The following PPP1R16B variants were observed in gnomAD, a reference collection of about 807,000 sequenced individuals.
PPP1R16B encodes protein phosphatase 1 regulatory inhibitor subunit 16B.
PPP1R16B carries 14 observed loss-of-function variants against 61.7 expected under a neutral mutation model. The observed-to-expected ratio is 0.23, with a 90% confidence interval of 0.15 to 0.35. The LOEUF (loss-of-function observed/expected upper bound fraction) is 0.35, where lower values mean the gene tolerates loss of function less well. Ranked by LOEUF, PPP1R16B falls within the 10% of genes least tolerant of loss-of-function variation. The pLI is 1.00. For synonymous variants in PPP1R16B, 266 were observed against 305.3 expected, an observed-to-expected ratio of 0.87 and a Z score of 1.34; for missense variants, 547 against 752.5, an observed-to-expected ratio of 0.73 and a Z score of 3.19.
At chr20:38,833,322 C>A (rs1235164606) in intron 1 of PPP1R16B, among the ~76,000 whole-genome samples, 1 of 152,080 alleles carries the variant, frequency 6.6e-6, no homozygotes, top group African/African-American at 2.4e-5. Context: ...GGAGGGGGAG[C>A]CTAGAGAAGG....
At chr20:38,903,352 G>A (rs768225504) in intron 6 of PPP1R16B, among the ~76,000 whole-genome samples, 1 of 151,952 alleles carries the variant, frequency 6.6e-6, no homozygotes, top group Non-Finnish European at 1.5e-5. Context: ...CCACTCACTC[G>A]TGCTTTCTTG....
chr20:38,872,769 T>C (rs6071615), intron 2 of PPP1R16B: 7,729 of 152,816 alleles, frequency 0.051, 202 homozygotes, highest in Middle Eastern at 0.065. Flanking sequence ...ACTGTGGGTG[T>C]GCGGCACGGT....
chr20:38,906,133 A>T (rs966548653), intron 7 of PPP1R16B, 39 bp downstream of exon 7: 12 of 1,587,492 alleles, frequency 7.6e-6, no homozygotes, highest in East Asian at 2.2e-5. Flanking sequence ...AGGCCGGCAC[A>T]GGGCTAACCT....
intron 2 of PPP1R16B, among the ~76,000 whole-genome samples, chr20:38,837,209 G>A (rs1453025323): frequency 6.6e-6 from 1 of 152,182 alleles, no homozygotes; most frequent in Non-Finnish European, 1.5e-5. Flanking sequence ...AAGTAGACAA[G>A]TCTCTTCCAC....
intron 1 of PPP1R16B, among the ~76,000 whole-genome samples, chr20:38,823,726 G>A (rs1377327445): frequency 6.6e-6 from 1 of 152,142 alleles, no homozygotes; most frequent in Non-Finnish European, 1.5e-5. Context: ...GCCTATAGGG[G>A]TTTGGAAAGC....
chr20:38,864,098 G>A (rs1349476680), intron 2 of PPP1R16B, among the ~76,000 whole-genome samples: 4 of 152,202 alleles, frequency 2.6e-5, no homozygotes, highest in African/African-American at 4.8e-5. Context: ...AAAAGGCCAC[G>A]TGTTCTAGAA....
In PPP1R16B at chr20:38,899,239, A is replaced by G. The variant is rs117719190; in HGVS notation, c.468-1342A>G. ...GAGGGCTGTTAGGCCAAAGGACTGG[A>G]TGGTGGCCTGTGCCTATGTCTCTGA... On this transcript the variant is annotated intron_variant, in intron 4 of 10. Transcript: ENST00000299824. Among the ~76,000 whole-genome samples the G allele has an allele frequency of 3.9e-3, 589 of 152,338 alleles. 1 individual carries two copies. Among genetic ancestry groups the G allele is most frequent in the Non-Finnish European group, 4.7e-3 (323 of 68,028 alleles).
At chr20:38,842,768 A>C (rs529170617) in intron 2 of PPP1R16B, among the ~76,000 whole-genome samples, 47 of 151,880 alleles carry the variant, frequency 3.1e-4, no homozygotes, top group Non-Finnish European at 4.0e-4. Context: ...CATCTACAGG[A>C]ACTAGCTCAG....
Position 38,919,026 on chromosome 20 carries a change from A to C in PPP1R16B, c.*360A>C. 1 of 186,454 alleles carries C rather than the reference A, an allele frequency of 5.4e-6. No individual in the cohort carries two copies. Among genetic ancestry groups the C allele is most frequent in the Non-Finnish European group, 1.1e-5 (1 of 90,394 alleles). The allele number at this position is 186,454 out of a possible 1,614,324, so 11.5% of individuals were successfully genotyped here. A position where few individuals can be genotyped will look rare whatever the true frequency, so the allele number is the denominator to read the frequency against. ...AACACACACACACACACACATATAC[A>C]CACACACACAAGCTCGATCAGTGTG... On this transcript the variant is annotated 3_prime_UTR_variant, in exon 11 of 11. Coordinates refer to ENST00000299824, the MANE Select transcript of PPP1R16B (RefSeq NM_015568.4).
chr20:38,861,674 T>C (rs944052144), intron 2 of PPP1R16B, among the ~76,000 whole-genome samples: 5 of 119,158 alleles, frequency 4.2e-5, no homozygotes, highest in Non-Finnish European at 8.0e-5. Flanking sequence ...GCAGTTCTTC[T>C]TTTTTTTTTT....
chr20:38,826,262 C>T (rs972483626), intron 1 of PPP1R16B, among the ~76,000 whole-genome samples: 1 of 152,158 alleles, frequency 6.6e-6, no homozygotes. Flanking sequence ...TGTAATTTGA[C>T]TCCCGTTTCC....
chr20:38,888,876 A>AACACACACAC lies in PPP1R16B; in HGVS notation c.251-676_251-667dup, dbSNP rs1181903301. On this transcript the variant is annotated intron_variant, in intron 2 of 10. Coordinates refer to ENST00000299824, the MANE Select transcript of PPP1R16B (RefSeq NM_015568.4). ...CCTCCCTGCCCACCCAGAATCCCTG[A>AACACACACAC]ACACACACACACACACACACACACA... Among the ~76,000 whole-genome samples, 1,022 of 112,264 alleles carry AACACACACAC rather than the reference A, an allele frequency of 9.1e-3. 10 individuals carry two copies. Among genetic ancestry groups the AACACACACAC allele is most frequent in the East Asian group, 0.025 (90 of 3,618 alleles). 73.6% of individuals were successfully genotyped at this position (112,264 alleles called of 152,430 possible).
chr20:38,870,747 C>A (rs896546050), intron 2 of PPP1R16B, among the ~76,000 whole-genome samples: 2 of 152,160 alleles, frequency 1.3e-5, no homozygotes, highest in Non-Finnish European at 2.9e-5. Context: ...ACATGAAGGG[C>A]CAGACTCTGG....
chr20:38,831,424 G>A (rs758212475), intron 1 of PPP1R16B, among the ~76,000 whole-genome samples: 2 of 152,236 alleles, frequency 1.3e-5, no homozygotes, highest in African/African-American at 2.4e-5. Context: ...TGTGTGTTGG[G>A]GAGACTCACA....
chr20:38,884,876 C>T (rs1016714276), intron 2 of PPP1R16B, among the ~76,000 whole-genome samples: 3 of 151,758 alleles, frequency 2.0e-5, no homozygotes, highest in Non-Finnish European at 4.4e-5. Context: ...TTAAGACCAT[C>T]CTGGCTAACA....
At chr20:38,814,808 C>T (rs1237666573) in intron 1 of PPP1R16B, among the ~76,000 whole-genome samples, 2 of 152,188 alleles carry the variant, frequency 1.3e-5, no homozygotes, top group African/African-American at 4.8e-5. Flanking sequence ...TTAGTCAGAA[C>T]TGCCTTTGTT....
intron 2 of PPP1R16B, among the ~76,000 whole-genome samples, chr20:38,844,326 G>T (rs2145725113): frequency 6.6e-6 from 1 of 152,292 alleles, no homozygotes; most frequent in Middle Eastern, 3.4e-3. Context: ...TTGCTTAAAA[G>T]TTCAAATTCT....
rs2084661584 is a variant in PPP1R16B, at chr20:38,806,397, A to G, written c.-102+605A>G. Among the ~76,000 whole-genome samples the G allele has an allele frequency of 6.6e-6, 1 of 151,430 alleles. No homozygotes were observed. The highest frequency in any genetic ancestry group is 1.5e-5 in the Non-Finnish European group (1 of 67,818). On this transcript the variant is annotated intron_variant, in intron 1 of 10. Coordinates refer to ENST00000299824, the MANE Select transcript of PPP1R16B (RefSeq NM_015568.4). This position sits in a 1 kb window ranked among gnomAD's most constrained non-coding sequence, Gnocchi z 4.5. Reference sequence around the variant, plus strand: ...TGACAGCACCAGCCAGCCCGGGGAGACCCCGCGAGTGGTAGTTCCCCGGGA... The same window carrying G: ...TGACAGCACCAGCCAGCCCGGGGAGGCCCCGCGAGTGGTAGTTCCCCGGGA...
At chr20:38,869,976 C>A (rs2085116441) in intron 2 of PPP1R16B, among the ~76,000 whole-genome samples, 1 of 151,566 alleles carries the variant, frequency 6.6e-6, no homozygotes. Flanking sequence ...CAGGCTGGAA[C>A]ACAGTGACGC....
Sources: gnomAD v4.1 joint callset for allele counts (sites outside exome capture counted in the v4.1 genomes callset) on GRCh38, gnomAD v4.1.1 for gene constraint, Gnocchi (gnomAD v3.1) non-coding constraint, MANE v1.5 for transcripts, NCBI Gene and HGNC (gene_info 2026-07-23, HGNC 2026-07-21) for gene names.